The following ESR1 variants were observed in gnomAD, a reference collection of about 807,000 sequenced individuals.
ESR1 encodes estrogen receptor.
ESR1 carries 12 observed loss-of-function variants against 52.7 expected under a neutral mutation model. The ratio of observed to expected loss-of-function variants is 0.23; its 90% confidence interval spans 0.15 to 0.37. The LOEUF (loss-of-function observed/expected upper bound fraction) is 0.37. Among genes scored for constraint, ESR1 ranks in the 10% least tolerant of loss-of-function variants. The pLI, the probability that ESR1 is intolerant of heterozygous loss-of-function variation, is 1.00. For missense variants in ESR1, 584 were observed against 779.7 expected, an observed-to-expected ratio of 0.75 and a Z score of 2.99; for synonymous variants, 305 against 316.8, an observed-to-expected ratio of 0.96 and a Z score of 0.39.
intron 3 of ESR1, among the ~76,000 whole-genome samples, chr6:151,940,660 G>A (rs1050806773): frequency 3.3e-5 from 5 of 152,162 alleles, no homozygotes; most frequent in Non-Finnish European, 1.5e-5. Context: ...TCTTAGAGAA[G>A]TTTTCTTTGT....
chr6:151,658,849 C>T (rs2115189753), intron 1 of ESR1, among the ~76,000 whole-genome samples: 1 of 152,254 alleles, frequency 6.6e-6, no homozygotes, highest in East Asian at 1.9e-4. Flanking sequence ...TCTAAGATCA[C>T]AAAGCTAGTA....
At chr6:152,095,975 G>C (rs1454081771) in intron 7 of ESR1, among the ~76,000 whole-genome samples, 1 of 152,200 alleles carries the variant, frequency 6.6e-6, no homozygotes, top group Non-Finnish European at 1.5e-5. Flanking sequence ...GGTGAAAGTG[G>C]TCTCATTTCC....
At chr6:151,904,040 A>C (rs534962116) in intron 3 of ESR1, among the ~76,000 whole-genome samples, 1 of 152,330 alleles carries the variant, frequency 6.6e-6, no homozygotes, top group Non-Finnish European at 1.5e-5. Flanking sequence ...GCTTGGCTAA[A>C]CTATTCCCTT....
At chr6:152,035,099 T>G (rs1171354660) in intron 5 of ESR1, among the ~76,000 whole-genome samples, 1 of 151,810 alleles carries the variant, frequency 6.6e-6, no homozygotes, top group Non-Finnish European at 1.5e-5. Context: ...AAATTCCAGT[T>G]TTTTTTAAAC....
upstream of ESR1, among the ~76,000 whole-genome samples, chr6:151,687,705 G>A (rs976843305): frequency 2.0e-5 from 3 of 152,158 alleles, no homozygotes; most frequent in Non-Finnish European, 4.4e-5. Flanking sequence ...TCTGGAATGG[G>A]AGAATGTATC....
At chr6:151,901,495 G>A (rs1212565408) in intron 3 of ESR1, among the ~76,000 whole-genome samples, 1 of 152,156 alleles carries the variant, frequency 6.6e-6, no homozygotes, top group Admixed American at 6.5e-5. Flanking sequence ...AAGTTCAGCT[G>A]GAGGTTTCCT....
chr6:151,910,883 C>T lies in ESR1; in HGVS notation c.760+30112C>T, dbSNP rs146556422. Among the ~76,000 whole-genome samples, 579 of 152,214 alleles carry T rather than the reference C, an allele frequency of 3.8e-3. 6 individuals carry two copies. The highest frequency in any genetic ancestry group is 0.012 in the African/African-American group (493 of 41,538). Reference sequence around the variant, plus strand: ...TCTCACCAGGGACTGGTTTCCTGGACGACAGTATTTCCATGGATTGCAGCG... The same window carrying T: ...TCTCACCAGGGACTGGTTTCCTGGATGACAGTATTTCCATGGATTGCAGCG... On this transcript the variant is annotated intron_variant, in intron 3 of 7. Transcript: ENST00000206249.
chr6:151,846,191 C>T (rs543136367), intron 2 of ESR1, among the ~76,000 whole-genome samples: 67 of 152,220 alleles, frequency 4.4e-4, no homozygotes, highest in African/African-American at 1.5e-3. Context: ...AAAGGCAGAG[C>T]GCGGGGAATT....
intron 2 of ESR1, among the ~76,000 whole-genome samples, chr6:151,750,278 C>T (rs1158260329): frequency 6.6e-6 from 1 of 152,058 alleles, no homozygotes; most frequent in Admixed American, 6.6e-5. Context: ...AAACGTTTTC[C>T]AGAAAGCAAA....
intron 3 of ESR1, among the ~76,000 whole-genome samples, chr6:151,897,433 T>C (rs1795713841): frequency 1.3e-5 from 2 of 152,264 alleles, no homozygotes; most frequent in Admixed American, 6.5e-5. Context: ...CATTATATAA[T>C]GCTCTTCTTT....
At chr6:152,060,716 C>A (rs1054910789) in intron 5 of ESR1, among the ~76,000 whole-genome samples, 3 of 152,182 alleles carry the variant, frequency 2.0e-5, no homozygotes, top group Admixed American at 2.0e-4. Flanking sequence ...GGTTGAAGAA[C>A]TCCATATTTA....
intron 5 of ESR1, among the ~76,000 whole-genome samples, chr6:152,021,320 C>T (rs992728789): frequency 1.3e-5 from 2 of 152,110 alleles, no homozygotes; most frequent in Non-Finnish European, 2.9e-5. Context: ...TTTTGGGACT[C>T]GGACTGGCTC....
intron 2 of ESR1, among the ~76,000 whole-genome samples, chr6:151,845,651 T>C (rs1784988547): frequency 6.6e-6 from 1 of 152,184 alleles, no homozygotes; most frequent in Admixed American, 6.6e-5. Context: ...AGTAGAATTT[T>C]ACTGAAACAG....
intron 2 of ESR1, among the ~76,000 whole-genome samples, chr6:151,722,457 C>T (rs1781529776): frequency 6.6e-6 from 1 of 152,196 alleles, no homozygotes; most frequent in South Asian, 2.1e-4. Flanking sequence ...GGCAAAGATA[C>T]TGGAAGAAGA....
chr6:151,834,895 AG>A (rs1446373494), intron 1 of ESR1, among the ~76,000 whole-genome samples: 1 of 151,974 alleles, frequency 6.6e-6, no homozygotes, highest in Non-Finnish European at 1.5e-5. Context: ...GTGAGGGTGC[AG>A]GGGGTCATGC....
At chr6:151,749,436 C>A (rs1783736037) in intron 2 of ESR1, among the ~76,000 whole-genome samples, 1 of 152,126 alleles carries the variant, frequency 6.6e-6, no homozygotes, top group African/African-American at 2.4e-5. Flanking sequence ...ATTCAAAATC[C>A]TCTCTTCTAG....
chr6:151,760,342 A>G (rs1331887826), intron 2 of ESR1, among the ~76,000 whole-genome samples: 1 of 152,230 alleles, frequency 6.6e-6, no homozygotes, highest in Non-Finnish European at 1.5e-5. Flanking sequence ...GTTGGTGGAA[A>G]ACTCCATTGA....
chr6:152,047,858 T>C (rs1446533337), intron 5 of ESR1, among the ~76,000 whole-genome samples: 1 of 152,070 alleles, frequency 6.6e-6, no homozygotes, highest in African/African-American at 2.4e-5. Context: ...GTGGCCACTA[T>C]GTGCTCCCGG....
intron 2 of ESR1, among the ~76,000 whole-genome samples, chr6:151,731,336 A>G (rs1449717660): frequency 6.6e-6 from 1 of 151,760 alleles, no homozygotes; most frequent in East Asian, 1.9e-4. Context: ...AGCCTAGGTG[A>G]CACAGTGAGA....
Sources: allele counts gnomAD v4.1 joint callset (sites outside exome capture counted in the v4.1 genomes callset), GRCh38; gene constraint gnomAD v4.1.1; transcripts MANE v1.5; gene names NCBI Gene and HGNC (gene_info 2026-07-23, HGNC 2026-07-21).